Variants in UBE3C observed in about 807,000 individuals in gnomAD.
UBE3C encodes the protein ubiquitin protein ligase E3C, also known as ubiquitin-protein ligase E3C.
A neutral mutation model predicts 129.4 loss-of-function variants in UBE3C; 42 were observed. The observed-to-expected ratio is 0.32, with a 90% CI of 0.25 to 0.42. The LOEUF (loss-of-function observed/expected upper bound fraction) is 0.42, where lower values mean the gene tolerates loss of function less well. Among genes scored for constraint, UBE3C ranks in the 10% least tolerant of loss-of-function variants. The probability of loss-of-function intolerance (pLI) is 1.00; values close to 1 mark genes in which losing one functional copy is unlikely to be tolerated. For missense variants in UBE3C, 1,049 were observed against 1,319.1 expected, an observed-to-expected ratio of 0.80 and a Z score of 3.17; for synonymous variants, 510 against 492.4, an observed-to-expected ratio of 1.04 and a Z score of -0.47.
At chr7:157,247,152 C>CT (rs1796500379) in intron 18 of UBE3C, among the ~76,000 whole-genome samples, 1 of 152,192 alleles carries the variant, frequency 6.6e-6, no homozygotes, top group Non-Finnish European at 1.5e-5. Flanking sequence ...TCCCAAAGTG[C>CT]TGGGATTACA....
intron 10 of UBE3C, chr7:157,197,554 G>A (rs1167706405): frequency 7.6e-6 from 9 of 1,189,740 alleles, no homozygotes; most frequent in South Asian, 5.7e-5. Flanking sequence ...TTATTAATAC[G>A]ACACATCATC....
intron 16 of UBE3C, among the ~76,000 whole-genome samples, chr7:157,224,825 C>CTCAT (rs1795834902): frequency 6.6e-6 from 1 of 152,008 alleles, no homozygotes; most frequent in African/African-American, 2.4e-5. Context: ...CACTCACTCA[C>CTCAT]TCACTCACTC....
At chr7:157,162,650 C>T (rs1808103511) in intron 1 of UBE3C, among the ~76,000 whole-genome samples, 1 of 151,916 alleles carries the variant, frequency 6.6e-6, no homozygotes, top group African/African-American at 2.4e-5. Context: ...AGTGATCCTC[C>T]CACCTCAGCC....
chr7:157,220,247 T>G (rs909530221), intron 14 of UBE3C, among the ~76,000 whole-genome samples: 1 of 151,820 alleles, frequency 6.6e-6, no homozygotes, highest in African/African-American at 2.4e-5. Context: ...AAATAAGGGA[T>G]GAGAGGAACT....
chr7:157,166,950 G>T (rs979475413), intron 2 of UBE3C, among the ~76,000 whole-genome samples: 6 of 145,586 alleles, frequency 4.1e-5, no homozygotes, highest in African/African-American at 1.6e-4. Context: ...TGGTTTTTGA[G>T]ACAAAGTCTT....
chr7:157,223,130 T>C (rs766213791), intron 15 of UBE3C, 124 bp from the exon 16 acceptor site: 9 of 1,014,138 alleles, frequency 8.9e-6, no homozygotes, highest in South Asian at 7.1e-5. Flanking sequence ...GATGTGTTCA[T>C]GGAACTGGAT....
At chr7:157,140,534 G>C (rs1294220089) in intron 1 of UBE3C, among the ~76,000 whole-genome samples, 3 of 152,188 alleles carry the variant, frequency 2.0e-5, no homozygotes, top group South Asian at 2.1e-4. Flanking sequence ...TGTTTTATGA[G>C]ATCAAAGGAT....
intron 1 of UBE3C, chr7:157,140,089 C>G: frequency 5.2e-6 from 5 of 958,558 alleles, no homozygotes; most frequent in Non-Finnish European, 6.2e-6. Context: ...AGCTGTCTGT[C>G]CCTGAAGACG....
At chr7:157,145,283 C>CA (rs1241018646) in intron 1 of UBE3C, among the ~76,000 whole-genome samples, 1 of 151,636 alleles carries the variant, frequency 6.6e-6, no homozygotes, top group African/African-American at 2.4e-5. Flanking sequence ...TTTGGAAGGC[C>CA]AAGGAGGGTG....
At chr7:157,203,955 G>T (rs114746855) in intron 11 of UBE3C, among the ~76,000 whole-genome samples, 1 of 152,260 alleles carries the variant, frequency 6.6e-6, no homozygotes, top group African/African-American at 2.4e-5. Flanking sequence ...ATGTGCATTA[G>T]CCTACAGCTA....
chr7:157,223,008 G>T, intron 15 of UBE3C: 1 of 402,670 alleles, frequency 2.5e-6, no homozygotes, highest in Non-Finnish European at 4.6e-6. Context: ...CAGCTGGAGT[G>T]GAAGTGTAGT....
chr7:157,153,156 C>T (rs1207508614), intron 1 of UBE3C, among the ~76,000 whole-genome samples: 1 of 152,148 alleles, frequency 6.6e-6, no homozygotes, highest in Non-Finnish European at 1.5e-5. Context: ...AGAGATCGCA[C>T]CACTTCACTT....
intron 1 of UBE3C, among the ~76,000 whole-genome samples, chr7:157,144,717 A>G (rs1807557699): frequency 6.6e-6 from 1 of 152,026 alleles, no homozygotes; most frequent in Non-Finnish European, 1.5e-5. Flanking sequence ...TATTTTTTAG[A>G]GCAGTTTCAG....
chr7:157,224,747 C>G (rs1040884595), intron 16 of UBE3C, among the ~76,000 whole-genome samples: 1 of 150,716 alleles, frequency 6.6e-6, no homozygotes, highest in Non-Finnish European at 1.5e-5. Flanking sequence ...TGTTCATGTC[C>G]CTTTACTAAA....
At chr7:157,211,167 GGAGAGAGAGAGA>G (rs3039783) in intron 13 of UBE3C, among the ~76,000 whole-genome samples, 10 of 137,082 alleles carry the variant, frequency 7.3e-5, no homozygotes, top group South Asian at 2.3e-4. Flanking sequence ...CCATATGTCT[GGAGAGAGAGAGA>G]GAGAGAGAGA....
intron 11 of UBE3C, among the ~76,000 whole-genome samples, chr7:157,202,513 C>T (rs13239285): frequency 0.058 from 8,786 of 152,090 alleles, 278 homozygotes; most frequent in South Asian, 0.077. Flanking sequence ...AAAAATTAGT[C>T]GGGCATGGTG....
intron 18 of UBE3C, among the ~76,000 whole-genome samples, chr7:157,233,043 T>A (rs541774001): frequency 6.6e-6 from 1 of 152,164 alleles, no homozygotes; most frequent in South Asian, 2.1e-4. Flanking sequence ...AGTCACTCCC[T>A]ATCCTGCCCT....
chr7:157,208,715 C>T (rs1332295997), intron 13 of UBE3C, among the ~76,000 whole-genome samples: 1 of 151,994 alleles, frequency 6.6e-6, no homozygotes, highest in African/African-American at 2.4e-5. Context: ...CGTTCTTAAC[C>T]AGAAAGTGAA....
rs754483852 is a variant in UBE3C at position 157,220,786 on chromosome 7, C to T, written c.2002+10C>T. Reference sequence around the variant, plus strand: ...CAGTCCACCCTGGACGGTGAGTTCTCTAGGACACAGGGTTACTGAGGTATG... The same window carrying T: ...CAGTCCACCCTGGACGGTGAGTTCTTTAGGACACAGGGTTACTGAGGTATG... On this transcript the variant is annotated intron_variant, in intron 15 of 22. Transcript: ENST00000348165. The T allele has an allele frequency of 4.3e-6, 7 of 1,613,804 alleles. No individual in the cohort carries two copies. In the Admixed American group the frequency reaches 1.0e-4, roughly 23 times the overall value.
Sources: gnomAD v4.1 joint callset for allele counts (sites outside exome capture counted in the v4.1 genomes callset) on GRCh38, gnomAD v4.1.1 for gene constraint, MANE v1.5 for transcripts, NCBI Gene and HGNC (gene_info 2026-07-23, HGNC 2026-07-21) for gene names.